Variants in OSBPL10 observed in about 807,000 individuals in gnomAD.
OSBPL10 encodes oxysterol binding protein like 10.
OSBPL10 carries 49 observed loss-of-function variants against 81.7 expected under a neutral mutation model. The ratio of observed to expected loss-of-function variants is 0.60; its 90% CI spans 0.48 to 0.76. The LOEUF is 0.76. OSBPL10 is among the 30% of genes least tolerant of loss of function. The pLI, the probability that OSBPL10 is intolerant of heterozygous loss-of-function variation, is 0.00. For synonymous variants in OSBPL10, 419 were observed against 383.6 expected, an observed-to-expected ratio of 1.09 and a Z score of -1.08; for missense variants, 923 against 987.8, an observed-to-expected ratio of 0.93 and a Z score of 0.88.
chr3:31,817,759 A>C (rs1000576211), intron 4 of OSBPL10, among the ~76,000 whole-genome samples: 1 of 152,102 alleles, frequency 6.6e-6, no homozygotes, highest in African/African-American at 2.4e-5. Flanking sequence ...CTCCTACTCC[A>C]CCTCAGAAGG....
At chr3:31,990,418 A>G in intron 2 of OSBPL10, 1 of 1,613,534 alleles carries the variant, frequency 6.2e-7, no homozygotes, top group Non-Finnish European at 8.5e-7. Context: ...TCATTGGCGA[A>G]CTCATACTGG....
At chr3:31,722,001 T>A (rs770893328) in intron 6 of OSBPL10, among the ~76,000 whole-genome samples, 7 of 152,144 alleles carry the variant, frequency 4.6e-5, no homozygotes, top group Non-Finnish European at 1.0e-4. Context: ...CAGAGAGACA[T>A]CATGTTAATC....
chr3:31,855,626 C>T (rs1310998095), intron 3 of OSBPL10, among the ~76,000 whole-genome samples: 2 of 152,172 alleles, frequency 1.3e-5, no homozygotes, highest in Non-Finnish European at 2.9e-5. Context: ...GGTACACAGA[C>T]ATGCAGTGTT....
chr3:31,850,278 G>T (rs1700731612), intron 3 of OSBPL10, among the ~76,000 whole-genome samples: 1 of 152,078 alleles, frequency 6.6e-6, no homozygotes, highest in Non-Finnish European at 1.5e-5. Context: ...AGGCTGCAGT[G>T]AGCTACGATC....
chr3:31,940,559 C>G (rs1256454567), intron 1 of OSBPL10, among the ~76,000 whole-genome samples: 1 of 152,206 alleles, frequency 6.6e-6, no homozygotes, highest in Non-Finnish European at 1.5e-5. Flanking sequence ...GCCACAATCT[C>G]ATGGCAAAGG....
At chr3:32,075,716 C>T (rs1290623711) in intron 1 of OSBPL10, among the ~76,000 whole-genome samples, 5 of 152,048 alleles carry the variant, frequency 3.3e-5, no homozygotes, top group East Asian at 3.8e-4. Context: ...AATTTTTTGC[C>T]GCTCCAACAC....
In OSBPL10 at chr3:31,683,523, C is replaced by T. The variant is rs1700707487; in HGVS notation, c.1726+111G>A. 7 of 1,450,660 alleles carry T rather than the reference C, an allele frequency of 4.8e-6. No individual in the cohort carries two copies. In the Admixed American group the frequency reaches 6.5e-5, roughly 13 times the overall value. 89.9% of individuals were successfully genotyped at this position (1,450,660 alleles called of 1,614,324 possible). ...ACCACCCACACTCTAATTCCAAAAC[C>T]AGTTAAAAACAACAACAACAAAAAA... On this transcript the variant is annotated intron_variant, in intron 8 of 11. Transcript: ENST00000396556.
At chr3:31,782,609 T>A (rs1357040588) in intron 4 of OSBPL10, among the ~76,000 whole-genome samples, 1 of 151,608 alleles carries the variant, frequency 6.6e-6, no homozygotes, top group Non-Finnish European at 1.5e-5. Context: ...AAACAAATAA[T>A]CCCATCAAAA....
intron 2 of OSBPL10, among the ~76,000 whole-genome samples, chr3:31,996,455 C>T (rs774982092): frequency 4.6e-5 from 7 of 152,212 alleles, no homozygotes; most frequent in Non-Finnish European, 8.8e-5. Context: ...TAAATATGAG[C>T]CAACCTATGT....
rs1334137585 is a variant in OSBPL10 at position 31,758,070 on chromosome 3, T to A, written c.730-9950A>T. Among the ~76,000 whole-genome samples, 6 of 152,180 alleles carry A rather than the reference T, an allele frequency of 3.9e-5. No individual in the cohort carries two copies. The East Asian group carries it at 9.6e-4, about 24-fold the overall frequency. On this transcript the variant is annotated intron_variant, in intron 4 of 11. Coordinates refer to ENST00000396556, the MANE Select transcript of OSBPL10 (RefSeq NM_017784.5). ...GAAGGCACAAACTTAAAAATCTGCATATCAAAACTTACTAATGTTTACAGT... is the reference window on the plus strand; with the variant it reads ...GAAGGCACAAACTTAAAAATCTGCAAATCAAAACTTACTAATGTTTACAGT...
At position 31,662,114 on chromosome 3, in the gene OSBPL10, G is replaced by A. The variant is rs780334532; in HGVS notation, c.2253C>T (p.Gly751=). The A allele has an allele frequency of 3.7e-6, 6 of 1,613,982 alleles. No individual in the cohort carries two copies. The highest frequency in any genetic ancestry group is 1.7e-5 in the Admixed American group (1 of 59,986). ...PWKPKYFIQE[G]DGWVYFNPLW... is the part of the protein sequence containing the mutation. ...GGGGATTGAAGTATACCCAGCCATC[G>A]CCCTGCAAGAGAAGAAAGGAGGCAT... is the stretch of plus-strand genomic sequence containing the variant. The change falls in exon 12 of 12, where the codon GGC becomes GGT. Residue 751 remains glycine (G), a splice_region_variant and synonymous_variant. Transcript: ENST00000396556.
intron 4 of OSBPL10, among the ~76,000 whole-genome samples, chr3:31,807,437 T>C (rs777164363): frequency 6.6e-6 from 1 of 151,394 alleles, no homozygotes; most frequent in Non-Finnish European, 1.5e-5. Context: ...GGAGGATATA[T>C]GGTGGGTGTC....
At chr3:31,758,952 G>A (rs758008052) in intron 4 of OSBPL10, among the ~76,000 whole-genome samples, 3 of 152,246 alleles carry the variant, frequency 2.0e-5, no homozygotes, top group South Asian at 2.1e-4. Flanking sequence ...GGCTGCGGCC[G>A]TTTGTGAGAA....
intron 1 of OSBPL10, among the ~76,000 whole-genome samples, chr3:32,069,838 G>A (rs1699812894): frequency 6.6e-6 from 1 of 152,174 alleles, no homozygotes; most frequent in Non-Finnish European, 1.5e-5. Context: ...ATAGCTCCCA[G>A]GGGCTCCTTC....
chr3:31,672,673 C>T (rs1700355094), intron 8 of OSBPL10, among the ~76,000 whole-genome samples: 1 of 152,140 alleles, frequency 6.6e-6, no homozygotes, highest in South Asian at 2.1e-4. Context: ...CCAGCAACAT[C>T]ACTCTCAGTT....
chr3:31,677,340 G>T (rs193083078), intron 8 of OSBPL10, among the ~76,000 whole-genome samples: 22 of 152,210 alleles, frequency 1.4e-4, no homozygotes, highest in Admixed American at 1.4e-3. Context: ...ATAAGGGGAC[G>T]CAGCTACTGA....
At chr3:31,894,665 T>G (rs888447886) in intron 1 of OSBPL10, among the ~76,000 whole-genome samples, 1 of 152,216 alleles carries the variant, frequency 6.6e-6, no homozygotes, top group Non-Finnish European at 1.5e-5. Context: ...ATTCCATTTT[T>G]ACTGGGAGGA....
In OSBPL10 at chr3:31,684,067, C is replaced by T. The variant is rs140621228; in HGVS notation, c.1293G>A (p.Met431Ile). Residue 431 changes from methionine (M) to isoleucine (I), a missense_variant, in exon 8 of 12, where the codon ATG becomes ATA. By Grantham distance (10) the Met-to-Ile change is conservative (BLOSUM62 1). Coordinates refer to ENST00000396556, the MANE Select transcript of OSBPL10 (RefSeq NM_017784.5). ...FILEKRSLLE[M>I]YADFMAHPDL... ...CTGGGTGCGCCATGAAATCTGCATA[C>T]ATCTCCAGCAAAGATCGCTTCTCCA... The T allele has an allele frequency of 1.2e-6, 2 of 1,614,114 alleles. No individual in the cohort carries two copies. The highest frequency in any genetic ancestry group is 1.3e-5 in the African/African-American group (1 of 74,932).
At chr3:32,051,507 G>A (rs1699670084) in intron 1 of OSBPL10, among the ~76,000 whole-genome samples, 1 of 152,156 alleles carries the variant, frequency 6.6e-6, no homozygotes, top group African/African-American at 2.4e-5. Context: ...GGAAGTTATG[G>A]TAAAATGTCC....
Sources: gnomAD v4.1 joint callset for allele counts (sites outside exome capture counted in the v4.1 genomes callset) on GRCh38, gnomAD v4.1.1 for gene constraint, MANE v1.5 for transcripts, NCBI Gene and HGNC (gene_info 2026-07-23, HGNC 2026-07-21) for gene names.